Variants in GRIK3 observed in about 807,000 individuals in gnomAD.
GRIK3 encodes glutamate ionotropic receptor kainate type subunit 3.
Under a neutral mutation model 102.5 loss-of-function variants are expected in GRIK3, and 29 were observed. The observed-to-expected ratio is 0.28, with a 90% CI of 0.21 to 0.39. The LOEUF (loss-of-function observed/expected upper bound fraction) is 0.39, where lower values mean the gene tolerates loss of function less well. Ranked by LOEUF, GRIK3 falls within the 10% of genes least tolerant of loss-of-function variation. The pLI, the probability that GRIK3 is intolerant of heterozygous loss-of-function variation, is 1.00. For missense variants in GRIK3, 908 were observed against 1,252.4 expected (o/e 0.73, Z 4.15); for synonymous variants, 511 against 504.9 (o/e 1.01, Z -0.16).
At chr1:36,955,005 A>C (rs2124338750) in intron 1 of GRIK3, among the ~76,000 whole-genome samples, 1 of 152,354 alleles carries the variant, frequency 6.6e-6, no homozygotes, top group Non-Finnish European at 1.5e-5. Flanking sequence ...CAGGAAGCCC[A>C]AGCCAGCTCT....
intron 1 of GRIK3, among the ~76,000 whole-genome samples, chr1:36,971,890 G>A (rs1166205266): frequency 6.6e-6 from 1 of 152,158 alleles, no homozygotes; most frequent in Non-Finnish European, 1.5e-5. Context: ...CAGAGGCCTG[G>A]AGACACCCTT....
intron 12 of GRIK3, among the ~76,000 whole-genome samples, chr1:36,817,953 T>C (rs1642650698): frequency 6.6e-6 from 1 of 152,168 alleles, no homozygotes. Context: ...TTTGCCGAAA[T>C]ATATGACTTT....
intron 8 of GRIK3, among the ~76,000 whole-genome samples, chr1:36,852,119 A>C (rs1640592635): frequency 6.6e-6 from 1 of 152,154 alleles, no homozygotes; most frequent in African/African-American, 2.4e-5. Context: ...GGTTGAGCAA[A>C]CTGGCCCCTG....
At chr1:36,888,506 C>T (rs1641067079) in intron 2 of GRIK3, among the ~76,000 whole-genome samples, 2 of 152,204 alleles carry the variant, frequency 1.3e-5, no homozygotes, top group South Asian at 4.2e-4. Context: ...ACTCATGCTC[C>T]TTGACCAAGC....
At chr1:36,921,827 C>T (rs538776295) in intron 1 of GRIK3, among the ~76,000 whole-genome samples, 1 of 152,126 alleles carries the variant, frequency 6.6e-6, no homozygotes, top group Non-Finnish European at 1.5e-5. Flanking sequence ...GGACCTGGCC[C>T]TGCTTTGTCC....
chr1:36,841,956 G>T lies in GRIK3; in HGVS notation c.1327-17C>A, dbSNP rs749408206. 12 of 1,608,684 alleles carry T rather than the reference G, an allele frequency of 7.5e-6. No homozygotes were observed. The African/African-American group carries it at 9.4e-5, about 13-fold the overall frequency. The stretch of plus-strand genomic sequence containing the variant: ...GGGCTCCTCCTGCAGAGACAGATGG[G>T]CAGGGTGTGACGAAGACTGAGCAGC... On this transcript the variant is annotated splice_polypyrimidine_tract_variant and intron_variant, in intron 9 of 15. Transcript: ENST00000373091.
chr1:36,920,266 G>A (rs1210744935), intron 1 of GRIK3, among the ~76,000 whole-genome samples: 2 of 152,194 alleles, frequency 1.3e-5, no homozygotes, highest in Non-Finnish European at 2.9e-5. Context: ...AAACTAACTA[G>A]CTGTTACTCA....
rs191839840 is a variant in GRIK3 at position 36,809,245 on chromosome 1, A to G, written c.2092-2919T>C. Among the ~76,000 whole-genome samples the G allele has an allele frequency of 2.6e-3, 400 of 151,916 alleles. 4 individuals carry two copies. The highest frequency in any genetic ancestry group is 6.8e-3 in the Middle Eastern group (2 of 294). On this transcript the variant is annotated intron_variant, in intron 13 of 15. Coordinates refer to ENST00000373091, the MANE Select transcript of GRIK3 (RefSeq NM_000831.4). Reference sequence around the variant, plus strand: ...CCAACCACTCACCCACCCATCCACTATTGTATCTGATCATGCTATCATCCA... The same window carrying G: ...CCAACCACTCACCCACCCATCCACTGTTGTATCTGATCATGCTATCATCCA...
At chr1:37,002,678 T>A (rs577159412) in intron 1 of GRIK3, among the ~76,000 whole-genome samples, 1 of 151,334 alleles carries the variant, frequency 6.6e-6, no homozygotes, top group African/African-American at 2.4e-5. Context: ...TTCTTTTTTT[T>A]TTTTTTTTTT....
intron 10 of GRIK3, among the ~76,000 whole-genome samples, chr1:36,833,146 G>A (rs1640329959): frequency 6.6e-6 from 1 of 152,114 alleles, no homozygotes; most frequent in African/African-American, 2.4e-5. Flanking sequence ...GGAAGAATGA[G>A]CATCAAAATA....
At chr1:37,012,477 T>C (rs886386787) in intron 1 of GRIK3, among the ~76,000 whole-genome samples, 5 of 152,132 alleles carry the variant, frequency 3.3e-5, no homozygotes, top group Non-Finnish European at 7.4e-5. Context: ...CTGTGCAAGG[T>C]CACAATTGCA....
intron 1 of GRIK3, among the ~76,000 whole-genome samples, chr1:37,004,211 C>A (rs1414386223): frequency 3.3e-5 from 5 of 152,130 alleles, no homozygotes; most frequent in Non-Finnish European, 2.9e-5. Context: ...CAGAGCCCAC[C>A]CTCCGAGGGG....
intron 1 of GRIK3, among the ~76,000 whole-genome samples, chr1:36,911,875 A>C (rs1641349078): frequency 6.6e-6 from 1 of 152,088 alleles, no homozygotes; most frequent in Non-Finnish European, 1.5e-5. Context: ...TAGAGCCACC[A>C]TGCGGGCCTC....
intron 9 of GRIK3, among the ~76,000 whole-genome samples, chr1:36,849,141 C>T (rs1640552310): frequency 6.6e-6 from 1 of 152,218 alleles, no homozygotes; most frequent in Non-Finnish European, 1.5e-5. Context: ...ACTGGGCTAC[C>T]TGGAAGAATG....
chr1:36,983,432 G>T (rs1024480090), intron 1 of GRIK3, among the ~76,000 whole-genome samples: 1 of 152,110 alleles, frequency 6.6e-6, no homozygotes, highest in African/African-American at 2.4e-5. Context: ...GTGTAGGAGG[G>T]GTGATAACTC....
Position 36,872,482 on chromosome 1 carries a change from T to TA in GRIK3, c.551-114dup, listed in dbSNP as rs1640853690. 6 of 805,190 alleles carry TA rather than the reference T, an allele frequency of 7.5e-6. No individual in the cohort carries two copies. The South Asian group carries it at 1.2e-4, about 16-fold the overall frequency. The allele number at this position is 805,190 out of a possible 1,614,324, so 49.9% of individuals were successfully genotyped here. On this transcript the variant is annotated intron_variant, in intron 3 of 15. Coordinates refer to ENST00000373091, the MANE Select transcript of GRIK3 (RefSeq NM_000831.4). The surrounding 1 kb of genome is among the most constrained non-coding windows in gnomAD (Gnocchi z 5.9). ...GCCCATGGCCACAGGTCTGCAGACA[T>TA]ACACGGGCAGAAACGTGGCCCACAG... is the stretch of plus-strand genomic sequence containing the variant.
intron 1 of GRIK3, among the ~76,000 whole-genome samples, chr1:36,973,961 G>A (rs1283050826): frequency 3.3e-5 from 5 of 152,114 alleles, no homozygotes; most frequent in African/African-American, 9.7e-5. Flanking sequence ...TAACATAATG[G>A]GTGTTGGAAA....
Position 36,801,955 on chromosome 1 carries a change from C to T in GRIK3, c.2656G>A (p.Val886Ile), listed in dbSNP as rs769224376. Residue 886 changes from valine (V) to isoleucine (I), a missense_variant, in exon 16 of 16, where the codon GTC becomes ATC. Coordinates refer to ENST00000373091, the MANE Select transcript of GRIK3 (RefSeq NM_000831.4). The part of the protein sequence containing the change: ...VKHKPQPPMM[V>I]KTDAVINMHT... The stretch of plus-strand genomic sequence containing the variant: ...ATGTTGATGACGGCGTCAGTCTTGA[C>T]CATCATGGGAGGCTGAGGCTTGTGC... 2.5e-6 allele frequency: 4 copies of T among 1,614,006 alleles called. No individual in the cohort carries two copies. The Admixed American group carries it at 5.0e-5, about 20-fold the overall frequency.
chr1:36,924,679 T>C (rs1487496246), intron 1 of GRIK3, among the ~76,000 whole-genome samples: 1 of 151,954 alleles, frequency 6.6e-6, no homozygotes, highest in African/African-American at 2.4e-5. Context: ...CCTGGGAAAG[T>C]TCACACTTCC....
Sources: gnomAD v4.1 joint callset for allele counts (sites outside exome capture counted in the v4.1 genomes callset) on GRCh38, gnomAD v4.1.1 for gene constraint, Gnocchi (gnomAD v3.1) non-coding constraint, MANE v1.5 for transcripts, NCBI Gene and HGNC (gene_info 2026-07-23, HGNC 2026-07-21) for gene names.